The following UFL1 variants were observed in gnomAD, a reference collection of about 807,000 sequenced individuals.
UFL1 encodes E3 UFM1-protein ligase 1.
Under a neutral mutation model 99.3 loss-of-function variants are expected in UFL1, and 78 were observed. The ratio of observed to expected loss-of-function variants is 0.79; its 90% CI spans 0.65 to 0.95. The LOEUF (loss-of-function observed/expected upper bound fraction) is 0.95. UFL1 is among the 40% of genes least tolerant of loss of function. UFL1 has a pLI of 0.00. For synonymous variants in UFL1, 335 were observed against 322.2 expected (o/e 1.04, Z -0.42); for missense variants, 936 against 937.0 (o/e 1.00, Z 0.01).
chr6:96,536,970 T>C (rs1158216078), intron 8 of UFL1, among the ~76,000 whole-genome samples: 3 of 146,752 alleles, frequency 2.0e-5, no homozygotes, highest in African/African-American at 7.4e-5. Context: ...TTAAAACAAT[T>C]AGCATATATA....
intron 10 of UFL1, among the ~76,000 whole-genome samples, chr6:96,540,101 T>TC (rs1769909785): frequency 6.6e-6 from 1 of 151,414 alleles, no homozygotes; most frequent in Admixed American, 6.6e-5. Flanking sequence ...AGTATGCAAC[T>TC]CACATATGGT....
rs1407596577 is a variant in UFL1 at position 96,549,012 on chromosome 6, C to T, written c.1521-400C>T. Among the ~76,000 whole-genome samples the T allele has an allele frequency of 3.3e-5, 5 of 150,210 alleles. No individual in the cohort carries two copies. In the East Asian group the frequency reaches 9.7e-4, roughly 29 times the overall value. On this transcript the variant is annotated intron_variant, in intron 13 of 18. Coordinates refer to ENST00000369278, the MANE Select transcript of UFL1 (RefSeq NM_015323.5). ...AATAGTTACTACTAATCATTTTGCA[C>T]TGCTTTTTAGGCATAAAAAGGTTTT...
At chr6:96,543,451 G>T (rs1415483089) in intron 12 of UFL1, among the ~76,000 whole-genome samples, 1 of 151,096 alleles carries the variant, frequency 6.6e-6, no homozygotes, top group Admixed American at 6.6e-5. Context: ...TTACAGAAAT[G>T]GATAATCAAA....
chr6:96,541,687 G>A (rs1212253115), intron 11 of UFL1, among the ~76,000 whole-genome samples: 1 of 150,980 alleles, frequency 6.6e-6, no homozygotes, highest in Non-Finnish European at 1.5e-5. Context: ...TTATAAATTT[G>A]CCTTACTCAA....
At chr6:96,529,457 T>C (rs1769750414) in intron 6 of UFL1, among the ~76,000 whole-genome samples, 1 of 152,232 alleles carries the variant, frequency 6.6e-6, no homozygotes, top group Non-Finnish European at 1.5e-5. Context: ...ATCTAGCTTC[T>C]ACTACATATA....
At chr6:96,538,186 T>C (rs1406933074) in intron 9 of UFL1, among the ~76,000 whole-genome samples, 1 of 151,742 alleles carries the variant, frequency 6.6e-6, no homozygotes, top group East Asian at 1.9e-4. Context: ...GTTGGGGATA[T>C]GGTAGCCAGA....
rs758438707 is a variant in UFL1 at position 96,523,181 on chromosome 6, A to G, written c.113A>G (p.Lys38Arg). 13 of 1,612,838 alleles carry G rather than the reference A, an allele frequency of 8.1e-6. No homozygotes were observed. The Admixed American group carries it at 2.0e-4, about 25-fold the overall frequency. Residue 38 changes from lysine to arginine, a missense_variant, in exon 2 of 19, where the codon AAA becomes AGA. Lys to Arg is a conservative substitution (Grantham distance 26). Transcript: ENST00000369278. ...SERNCIEIVN[K>R]LIAQKQLEVV... The stretch of plus-strand genomic sequence containing the variant: ...CGGAACTGCATTGAGATTGTTAATA[A>G]ATTGATTGCTCAGAAACAGCTAGAA...
At chr6:96,542,827 A>G (rs1000449210) in intron 11 of UFL1, 67 bp from the exon 12 acceptor site, 57 of 1,403,706 alleles carry the variant, frequency 4.1e-5, no homozygotes, top group South Asian at 1.7e-5. Flanking sequence ...ACAACAATAT[A>G]GTGTCATTAT....
chr6:96,547,822 A>T (rs745622585), intron 12 of UFL1, among the ~76,000 whole-genome samples: 1 of 151,214 alleles, frequency 6.6e-6, no homozygotes, highest in Non-Finnish European at 1.5e-5. Flanking sequence ...GGGGGGCGGT[A>T]TGTGGGCAGG....
chr6:96,533,949 G>A (rs185196475), intron 6 of UFL1, among the ~76,000 whole-genome samples: 92 of 151,744 alleles, frequency 6.1e-4, no homozygotes, highest in Non-Finnish European at 1.1e-3. Flanking sequence ...TCCCAAGTAA[G>A]GAAAGAGCCT....
chr6:96,545,262 AG>A (rs1445437100), intron 12 of UFL1, among the ~76,000 whole-genome samples: 2 of 151,154 alleles, frequency 1.3e-5, no homozygotes, highest in Non-Finnish European at 3.0e-5. Flanking sequence ...TAATTAAGCT[AG>A]AAATAATCAC....
chr6:96,524,362 T>C lies in UFL1; in HGVS notation c.224-20T>C. On this transcript the variant is annotated intron_variant, in intron 2 of 18. Transcript: ENST00000369278. ...GTACGCATAGATCATTTAAAATAAA[T>C]GAATGTCTTTTCTTCAAAGGTCGAG... is the stretch of plus-strand genomic sequence containing the variant. 1 of 1,586,428 alleles carries C rather than the reference T, an allele frequency of 6.3e-7. No homozygotes were observed. The highest frequency in any genetic ancestry group is 2.3e-5 in the East Asian group (1 of 43,850).
chr6:96,524,370 T>G lies in UFL1; in HGVS notation c.224-12T>G. ...AGATCATTTAAAATAAATGAATGTCTTTTCTTCAAAGGTCGAGTAAACATT... is the reference window on the plus strand; with the variant it reads ...AGATCATTTAAAATAAATGAATGTCGTTTCTTCAAAGGTCGAGTAAACATT... On this transcript the variant is annotated splice_polypyrimidine_tract_variant and intron_variant, in intron 2 of 18. Transcript: ENST00000369278. The G allele has an allele frequency of 6.3e-7, 1 of 1,588,594 alleles. No individual in the cohort carries two copies. Among genetic ancestry groups the G allele is most frequent in the African/African-American group, 1.4e-5 (1 of 73,738 alleles).
Position 96,549,524 on chromosome 6 carries a change from T to G in UFL1, c.1633T>G (p.Ser545Ala). The change falls in exon 14 of 19, where the codon TCA (serine) becomes GCA (alanine). Residue 545 changes from serine (S) to alanine (A), a missense_variant. Physicochemically the swap from Ser to Ala is moderately conservative, Grantham distance 99 (BLOSUM62 1). Coordinates refer to ENST00000369278, the MANE Select transcript of UFL1 (RefSeq NM_015323.5). The stretch of plus-strand genomic sequence containing the variant: ...AATCAAGGACTTGCAAGAAGAAGTT[T>G]CAAACCTGTACAATAACATTAGGTT... ...RTIKDLQEEV[S>A]NLYNNIRLFE... The G allele has an allele frequency of 6.3e-7, 1 of 1,595,036 alleles. No individual in the cohort carries two copies. The highest frequency in any genetic ancestry group is 8.5e-7 in the Non-Finnish European group (1 of 1,174,132).
chr6:96,523,340 CAAAA>C lies in UFL1; in HGVS notation c.223+50_223+53del, dbSNP rs1412596215. ...TTTTTTCTTGGATTTTTGGAAGGGG[CAAAA>C]CAAACAAACAAAACCCGTAAACATG... On this transcript the variant is annotated intron_variant, in intron 2 of 18. Transcript: ENST00000369278. 2.7e-6 allele frequency: 4 copies of C among 1,491,808 alleles called. No individual in the cohort carries two copies. The African/African-American group carries it at 5.8e-5, about 22-fold the overall frequency. The allele number at this position is 1,491,808 out of a possible 1,614,324, so 92.4% of individuals were successfully genotyped here. A position where few individuals can be genotyped will look rare whatever the true frequency, so the allele number is the denominator to read the frequency against.
At chr6:96,524,263 T>G in intron 2 of UFL1, 119 bp from the exon 3 acceptor site, 1 of 837,926 alleles carries the variant, frequency 1.2e-6, no homozygotes, top group Non-Finnish European at 1.9e-6. Context: ...AGACATTGAT[T>G]ATTCTGGCTC....
intron 6 of UFL1, among the ~76,000 whole-genome samples, chr6:96,532,410 G>A (rs945449308): frequency 2.0e-5 from 3 of 152,210 alleles, no homozygotes; most frequent in Non-Finnish European, 2.9e-5. Flanking sequence ...CTATGGTTTG[G>A]ATGTGGTTTG....
At chr6:96,534,204 C>A in intron 6 of UFL1, 59 bp from the exon 7 acceptor site, 1 of 1,091,406 alleles carries the variant, frequency 9.2e-7, no homozygotes, top group South Asian at 2.6e-5. Flanking sequence ...TTTTTAAGTT[C>A]ATTAATCTAT....
intron 12 of UFL1, 142 bp from the exon 13 acceptor site, chr6:96,548,022 A>G: frequency 1.7e-6 from 1 of 596,558 alleles, no homozygotes. Context: ...AATTGTTTTT[A>G]CTAGTTGTTG....
Sources: allele counts gnomAD v4.1 joint callset (sites outside exome capture counted in the v4.1 genomes callset), GRCh38; gene constraint gnomAD v4.1.1; transcripts MANE v1.5; gene names NCBI Gene and HGNC (gene_info 2026-07-23, HGNC 2026-07-21).